TANC2: variants seen among roughly 807,000 people sequenced by gnomAD.
TANC2 encodes tetratricopeptide repeat, ankyrin repeat and coiled-coil containing 2.
In TANC2, 26 loss-of-function variants were observed where a neutral mutation model predicts 210.5. The ratio of observed to expected loss-of-function variants is 0.12; its 90% CI spans 0.09 to 0.17. The LOEUF (loss-of-function observed/expected upper bound fraction) is 0.17. TANC2 is among the 10% of genes least tolerant of loss of function. TANC2 has a pLI of 1.00. For missense variants in TANC2, 2,129 were observed against 2,608.9 expected (o/e 0.82, Z 4.01); for synonymous variants, 931 against 967.1 (o/e 0.96, Z 0.69).
chr17:62,994,521 GTTTC>G (rs1421172143), intron 1 of TANC2, among the ~76,000 whole-genome samples: 2 of 152,056 alleles, frequency 1.3e-5, no homozygotes, highest in Non-Finnish European at 2.9e-5. Context: ...GACTGAGGAT[GTTTC>G]TTTCTATTTC....
intron 14 of TANC2, among the ~76,000 whole-genome samples, chr17:63,372,225 T>C (rs910391419): frequency 6.6e-6 from 1 of 152,206 alleles, no homozygotes; most frequent in Admixed American, 6.5e-5. Context: ...TTCTTAGGGA[T>C]CAGTTAGCTC....
intron 13 of TANC2, 23 bp downstream of exon 13, chr17:63,351,439 A>G (rs745601330): frequency 3.2e-6 from 5 of 1,545,320 alleles, no homozygotes; most frequent in South Asian, 1.3e-5. Flanking sequence ...TTGCTTTTAA[A>G]CCATAAATGA....
intron 25 of TANC2, 83 bp downstream of exon 25, chr17:63,413,717 TC>T: frequency 7.7e-7 from 1 of 1,296,956 alleles, no homozygotes; most frequent in South Asian, 1.3e-5. Context: ...TCTTGATAAT[TC>T]TCATCCTTTG....
chr17:63,241,780 T>C (rs2042780993), intron 8 of TANC2, among the ~76,000 whole-genome samples: 1 of 152,210 alleles, frequency 6.6e-6, no homozygotes, highest in Non-Finnish European at 1.5e-5. Context: ...AGTTTCATGA[T>C]GTGTTTCACA....
intron 4 of TANC2, among the ~76,000 whole-genome samples, chr17:63,147,789 T>C (rs1443858602): frequency 6.6e-6 from 1 of 152,224 alleles, no homozygotes; most frequent in Admixed American, 6.5e-5. Flanking sequence ...AGGCATAACA[T>C]ATTGTATTTT....
chr17:63,167,884 CAAAAAAAAAAA>C (rs760465295), intron 5 of TANC2, among the ~76,000 whole-genome samples: 12 of 63,982 alleles, frequency 1.9e-4, no homozygotes, highest in East Asian at 7.5e-4. Context: ...GACTCTGTCT[CAAAAAAAAAAA>C]AAAAAAAAAA....
chr17:63,218,144 G>C (rs1165054107), intron 7 of TANC2, among the ~76,000 whole-genome samples: 1 of 151,946 alleles, frequency 6.6e-6, no homozygotes, highest in Non-Finnish European at 1.5e-5. Context: ...AATTAGCCAG[G>C]TGTGATGGTA....
chr17:62,974,362 C>T (rs1424183139), intron 1 of TANC2, among the ~76,000 whole-genome samples: 3 of 152,088 alleles, frequency 2.0e-5, no homozygotes, highest in Non-Finnish European at 2.9e-5. Flanking sequence ...TTTTTCTTCG[C>T]TCACATCTCA....
intron 2 of TANC2, among the ~76,000 whole-genome samples, chr17:63,061,212 C>A (rs904345408): frequency 1.3e-5 from 2 of 151,926 alleles, no homozygotes; most frequent in Non-Finnish European, 2.9e-5. Context: ...ACTAAAAATA[C>A]AAAAATTAGC....
intron 5 of TANC2, among the ~76,000 whole-genome samples, chr17:63,161,912 C>A (rs2040039193): frequency 6.6e-6 from 1 of 152,120 alleles, no homozygotes; most frequent in Admixed American, 6.5e-5. Flanking sequence ...GCTAAAATGT[C>A]ACCTTTTCAT....
intron 4 of TANC2, among the ~76,000 whole-genome samples, chr17:63,123,223 G>A (rs915525640): frequency 2.6e-5 from 4 of 152,170 alleles, no homozygotes; most frequent in African/African-American, 9.7e-5. Context: ...GATTTTAAGA[G>A]ATTGATAGAC....
At chr17:62,989,150 G>A (rs192094513) in intron 1 of TANC2, among the ~76,000 whole-genome samples, 3 of 152,090 alleles carry the variant, frequency 2.0e-5, no homozygotes, top group East Asian at 1.9e-4. Context: ...TCTCATTAAC[G>A]GACTGATGCT....
intron 4 of TANC2, among the ~76,000 whole-genome samples, chr17:63,112,048 C>G (rs1427834619): frequency 6.6e-6 from 1 of 152,092 alleles, no homozygotes; most frequent in Non-Finnish European, 1.5e-5. Flanking sequence ...TTAATCTATA[C>G]CCTCAAACCA....
chr17:62,991,919 G>T (rs115565723), intron 1 of TANC2, among the ~76,000 whole-genome samples: 4,432 of 152,008 alleles, frequency 0.029, 76 homozygotes, highest in South Asian at 0.037. Context: ...TTTACGCACG[G>T]TTTCTTGTGT....
chr17:63,174,667 A>T (rs76648909), intron 5 of TANC2, among the ~76,000 whole-genome samples: 2 of 152,056 alleles, frequency 1.3e-5, no homozygotes, highest in East Asian at 3.9e-4. Context: ...CTACTTTTAC[A>T]TTACATAAAT....
intron 7 of TANC2, among the ~76,000 whole-genome samples, chr17:63,230,066 G>T (rs1368411030): frequency 6.6e-6 from 1 of 152,114 alleles, no homozygotes; most frequent in Non-Finnish European, 1.5e-5. Context: ...AAAGTGATGG[G>T]ATTACTGGTG....
chr17:63,169,092 G>C (rs2040311508), intron 5 of TANC2, among the ~76,000 whole-genome samples: 1 of 152,140 alleles, frequency 6.6e-6, no homozygotes, highest in African/African-American at 2.4e-5. Context: ...TGGAGAAATG[G>C]TCATCAAATG....
chr17:63,368,892 C>T (rs888046991), intron 14 of TANC2, among the ~76,000 whole-genome samples: 1 of 152,158 alleles, frequency 6.6e-6, no homozygotes, highest in Non-Finnish European at 1.5e-5. Flanking sequence ...AGAAGAGAGG[C>T]AAAGGATGAT....
At chr17:63,336,740 T>G (rs1221742553) in intron 11 of TANC2, among the ~76,000 whole-genome samples, 1 of 152,152 alleles carries the variant, frequency 6.6e-6, no homozygotes, top group African/African-American at 2.4e-5. Flanking sequence ...AAGGAAAAGT[T>G]GAAATGAAAA....
Sources: gnomAD v4.1 joint callset for allele counts (sites outside exome capture counted in the v4.1 genomes callset) on GRCh38, gnomAD v4.1.1 for gene constraint, MANE v1.5 for transcripts, NCBI Gene and HGNC (gene_info 2026-07-23, HGNC 2026-07-21) for gene names.